Variants in MS4A2 observed in about 807,000 individuals in gnomAD.
MS4A2 encodes the protein membrane spanning 4-domains A2.
MS4A2 carries 26 observed loss-of-function variants against 27.9 expected under a neutral mutation model. The observed-to-expected ratio is 0.93, with a 90% CI of 0.68 to 1.29. The LOEUF is 1.29. Ranked by LOEUF, MS4A2 falls within the 50% of genes most tolerant of loss-of-function variation. The probability of loss-of-function intolerance (pLI) is 0.00; values close to 1 mark genes in which losing one functional copy is unlikely to be tolerated. For missense variants in MS4A2, 284 were observed against 284.6 expected, an observed-to-expected ratio of 1.00 and a Z score of 0.01; for synonymous variants, 110 against 98.8, an observed-to-expected ratio of 1.11 and a Z score of -0.67.
chr11:60,088,792 A>G lies in MS4A2; in HGVS notation c.27A>G (p.Ala9=). Residue 9 remains alanine (A), a synonymous_variant, in exon 1 of 7, where the codon GCA becomes GCG. Coordinates refer to ENST00000278888, the MANE Select transcript of MS4A2 (RefSeq NM_000139.5). MDTESNRR[A]NLALPQEPSS... ...TGGACACAGAAAGTAATAGGAGAGC[A>G]AATCTTGCTCTCCCACAGGAGCCTT... The G allele has an allele frequency of 6.2e-7, 1 of 1,612,326 alleles. No individual in the cohort carries two copies. The highest frequency in any genetic ancestry group is 1.1e-5 in the South Asian group (1 of 90,714).
chr11:60,092,685 C>T, intron 3 of MS4A2, 107 bp from the exon 4 acceptor site: 1 of 960,810 alleles, frequency 1.0e-6, no homozygotes, highest in East Asian at 2.6e-5. Context: ...TAATAAGTAA[C>T]TTTATCGAGT....
intron 3 of MS4A2, among the ~76,000 whole-genome samples, chr11:60,091,981 A>AT (rs1297017428): frequency 6.6e-6 from 1 of 152,212 alleles, no homozygotes; most frequent in Non-Finnish European, 1.5e-5. Flanking sequence ...CATCATGTAC[A>AT]TTTTCATAAT....
In MS4A2 at chr11:60,095,970, G is replaced by A. The variant is rs1333979482; in HGVS notation, c.*314G>A. The A allele has an allele frequency of 3.5e-6, 1 of 282,392 alleles. No homozygotes were observed. The highest frequency in any genetic ancestry group is 4.9e-5 in the Admixed American group (1 of 20,468). 17.5% of individuals were successfully genotyped at this position (282,392 alleles called of 1,614,324 possible). On this transcript the variant is annotated 3_prime_UTR_variant, in exon 7 of 7. Coordinates refer to ENST00000278888, the MANE Select transcript of MS4A2 (RefSeq NM_000139.5). ...CTGTGCAAATACAGAAAAAAAGAAGGCTGGCTGAAAGTTGAGTTAAACTTT... is the reference window on the plus strand; with the variant it reads ...CTGTGCAAATACAGAAAAAAAGAAGACTGGCTGAAAGTTGAGTTAAACTTT...
chr11:60,092,971 G>A, intron 4 of MS4A2, 123 bp downstream of exon 4: 1 of 1,001,748 alleles, frequency 1.0e-6, no homozygotes. Flanking sequence ...ATATGATTTT[G>A]TTTCAATCTA....
intron 6 of MS4A2, 70 bp downstream of exon 6, chr11:60,094,132 T>C: frequency 2.9e-6 from 3 of 1,045,416 alleles, no homozygotes; most frequent in Non-Finnish European, 4.5e-6. Flanking sequence ...CTTAAAAATA[T>C]GGCCTGGGTT....
intron 5 of MS4A2, 166 bp from the exon 6 acceptor site, chr11:60,093,798 G>T: frequency 1.4e-6 from 1 of 729,074 alleles, no homozygotes. Flanking sequence ...TTCTGTGCCT[G>T]TGTTTGTGTG....
intron 6 of MS4A2, among the ~76,000 whole-genome samples, chr11:60,094,681 G>C (rs1315042203): frequency 6.6e-6 from 1 of 152,184 alleles, no homozygotes; most frequent in Non-Finnish European, 1.5e-5. Flanking sequence ...GGGCACGGTG[G>C]CTCACGCCTG....
rs1855860972 is a variant in MS4A2, at chr11:60,095,880, T to A, written c.*224T>A. 3.7e-6 allele frequency: 2 copies of A among 546,122 alleles called. No individual in the cohort carries two copies. The highest frequency in any genetic ancestry group is 3.8e-5 in the African/African-American group (2 of 52,602). The allele number at this position is 546,122 out of a possible 1,614,324, so 33.8% of individuals were successfully genotyped here. On this transcript the variant is annotated 3_prime_UTR_variant, in exon 7 of 7. Coordinates refer to ENST00000278888, the MANE Select transcript of MS4A2 (RefSeq NM_000139.5). ...CTCCTATTTTTCTTGTTTTATATTA[T>A]GACCACACACATCTCTGCTGGAAAG...
intron 5 of MS4A2, 152 bp downstream of exon 5, chr11:60,093,710 C>T (rs537684212): frequency 1.7e-6 from 2 of 1,144,440 alleles, no homozygotes; most frequent in East Asian, 2.5e-5. Context: ...CAGGGAGATG[C>T]TGGCTGCCCA....
At position 60,093,836 on chromosome 11, in the gene MS4A2, GTA is replaced by G. The variant is rs1554970790; in HGVS notation, c.538-126_538-125del. 1,908 of 727,708 alleles carry G rather than the reference GTA, an allele frequency of 2.6e-3. 5 individuals carry two copies. Among genetic ancestry groups the G allele is most frequent in the Middle Eastern group, 4.3e-3 (15 of 3,508 alleles). The allele number at this position is 727,708 out of a possible 1,614,324, so 45.1% of individuals were successfully genotyped here. On this transcript the variant is annotated intron_variant, in intron 5 of 6. Transcript: ENST00000278888. The stretch of plus-strand genomic sequence containing the variant: ...TGTGTGTGTGTGTGTGTGTGTGTGT[GTA>G]TGTGTCACTTTAAAAGGACTGGTCA...
chr11:60,090,575 A>T, intron 3 of MS4A2, 105 bp downstream of exon 3: 1 of 991,966 alleles, frequency 1.0e-6, no homozygotes, highest in South Asian at 1.6e-5. Context: ...TGATATTTAT[A>T]ATTCTTAATT....
At chr11:60,091,613 A>G (rs1400721339) in intron 3 of MS4A2, among the ~76,000 whole-genome samples, 1 of 152,210 alleles carries the variant, frequency 6.6e-6, no homozygotes, top group African/African-American at 2.4e-5. Flanking sequence ...AGAGCTTTAT[A>G]TAAGTATGTT....
Position 60,093,503 on chromosome 11 carries a change from T to A in MS4A2, c.482T>A (p.Ile161Asn). The A allele has an allele frequency of 6.2e-7, 1 of 1,614,156 alleles. No individual in the cohort carries two copies. The highest frequency in any genetic ancestry group is 8.5e-7 in the Non-Finnish European group (1 of 1,180,034). ...NLKKSLAYIH[I>N]HSCQKFFETK... ...AAGAAGAGCTTGGCCTATATCCACATCCACAGTTGCCAGAAATTTTTTGAG... is the reference window on the plus strand; with the variant it reads ...AAGAAGAGCTTGGCCTATATCCACAACCACAGTTGCCAGAAATTTTTTGAG... Residue 161 changes from isoleucine to asparagine, a missense_variant, in exon 5 of 7, where the codon ATC becomes AAC. Coordinates refer to ENST00000278888, the MANE Select transcript of MS4A2 (RefSeq NM_000139.5).
rs140532711 is a variant in MS4A2, at chr11:60,089,693, G to A, written c.58G>A (p.Val20Met). The A allele has an allele frequency of 1.4e-5, 23 of 1,613,984 alleles. No homozygotes were observed. The African/African-American group carries it at 2.1e-4, about 15-fold the overall frequency. ...CTGAATTGCTTTTAAATTTCACAGTGTGCCTGCATTTGAAGTCTTGGAAAT... is the reference window on the plus strand; with the variant it reads ...CTGAATTGCTTTTAAATTTCACAGTATGCCTGCATTTGAAGTCTTGGAAAT... Reference protein sequence around the residue: ...NLALPQEPSSVPAFEVLEISP... With the variant: ...NLALPQEPSSMPAFEVLEISP... The change falls in exon 2 of 7, where the codon GTG becomes ATG. Residue 20 changes from valine (V) to methionine (M), a missense_variant and splice_region_variant. Physicochemically the swap from Val to Met is conservative, Grantham distance 21 (BLOSUM62 1). Coordinates refer to ENST00000278888, the MANE Select transcript of MS4A2 (RefSeq NM_000139.5).
At chr11:60,093,721 C>A in intron 5 of MS4A2, 163 bp downstream of exon 5, 1 of 1,061,898 alleles carries the variant, frequency 9.4e-7, no homozygotes, top group Non-Finnish European at 1.4e-6. Flanking sequence ...TGGCTGCCCA[C>A]TCCCCTCAAC....
chr11:60,095,510 G>T, intron 6 of MS4A2, 48 bp from the exon 7 acceptor site: 1 of 1,213,154 alleles, frequency 8.2e-7, no homozygotes, highest in Non-Finnish European at 1.2e-6. Flanking sequence ...GACTTCTAGG[G>T]ATGGGAAATT....
intron 1 of MS4A2, among the ~76,000 whole-genome samples, 163 bp downstream of exon 1, chr11:60,088,984 G>T (rs1269951804): frequency 6.6e-6 from 1 of 152,048 alleles, no homozygotes; most frequent in East Asian, 1.9e-4. Flanking sequence ...CTTTCCATGT[G>T]GTTCTCTCTC....
Position 60,093,997 on chromosome 11 carries a change from C to T in MS4A2, c.571C>T (p.Leu191=). 6.2e-7 allele frequency: 1 copy of T among 1,613,944 alleles called. No homozygotes were observed. Among genetic ancestry groups the T allele is most frequent in the South Asian group, 1.1e-5 (1 of 91,074 alleles). ...IVVMMLFLTI[L]GLGSAVSLTI... ...AGTGATGATGCTGTTTCTCACCATT[C>T]TGGGACTTGGTAGTGCTGTGTCACT... is the stretch of plus-strand genomic sequence containing the variant. The change falls in exon 6 of 7, where the codon CTG becomes TTG. Residue 191 remains leucine (L), a synonymous_variant. Coordinates refer to ENST00000278888, the MANE Select transcript of MS4A2 (RefSeq NM_000139.5).
chr11:60,095,991 A>T lies in MS4A2; in HGVS notation c.*335A>T. The T allele has an allele frequency of 3.5e-6, 1 of 286,542 alleles. No homozygotes were observed. Among genetic ancestry groups the T allele is most frequent in the South Asian group, 4.2e-5 (1 of 23,948 alleles). The allele number at this position is 286,542 out of a possible 1,614,324, so 17.7% of individuals were successfully genotyped here. A position where few individuals can be genotyped will look rare whatever the true frequency, so the allele number is the denominator to read the frequency against. ...GAAGGCTGGCTGAAAGTTGAGTTAA[A>T]CTTTGACAGTTTGATAATATTTGGT... On this transcript the variant is annotated 3_prime_UTR_variant, in exon 7 of 7. Transcript: ENST00000278888.
Sources: gnomAD v4.1 joint callset for allele counts (sites outside exome capture counted in the v4.1 genomes callset) on GRCh38, gnomAD v4.1.1 for gene constraint, MANE v1.5 for transcripts, NCBI Gene and HGNC (gene_info 2026-07-23, HGNC 2026-07-21) for gene names.